Variants in SLC12A6 observed in about 807,000 individuals in gnomAD.
The protein encoded by SLC12A6 is solute carrier family 12 member 6.
A neutral mutation model predicts 135.3 loss-of-function variants in SLC12A6; 66 were observed. The observed-to-expected ratio is 0.49, with a 90% CI of 0.40 to 0.60. The LOEUF (loss-of-function observed/expected upper bound fraction) is 0.60, where lower values mean the gene tolerates loss of function less well. Among genes scored for constraint, SLC12A6 ranks in the 20% least tolerant of loss-of-function variants. The probability of loss-of-function intolerance (pLI) is 0.00; values close to 1 mark genes in which losing one functional copy is unlikely to be tolerated. For missense variants in SLC12A6, 1,058 were observed against 1,452.3 expected, an observed-to-expected ratio of 0.73 and a Z score of 4.41; for synonymous variants, 513 against 508.8, an observed-to-expected ratio of 1.01 and a Z score of -0.11.
chr15:34,304,592 A>G (rs1350380085), intron 2 of SLC12A6, among the ~76,000 whole-genome samples: 5 of 152,180 alleles, frequency 3.3e-5, no homozygotes, highest in Non-Finnish European at 1.5e-5. Flanking sequence ...GAGTGTGAAA[A>G]AACTGTACCT....
Position 34,233,686 on chromosome 15 carries a change from T to G in SLC12A6, c.*195A>C. The G allele has an allele frequency of 3.4e-6, 2 of 594,056 alleles. No homozygotes were observed. Among genetic ancestry groups the G allele is most frequent in the South Asian group, 3.8e-5 (2 of 52,130 alleles). 36.8% of individuals were successfully genotyped at this position (594,056 alleles called of 1,614,324 possible). On this transcript the variant is annotated 3_prime_UTR_variant, in exon 26 of 26. Coordinates refer to ENST00000354181, the MANE Select transcript of SLC12A6 (RefSeq NM_001365088.1). Reference sequence around the variant, plus strand: ...GTTCTGATGTTGAGGGAATATTTGCTTTTTCTGTAATGACTGCAGATCAGA... The same window carrying G: ...GTTCTGATGTTGAGGGAATATTTGCGTTTTCTGTAATGACTGCAGATCAGA...
rs149810398 is a variant in SLC12A6 at position 34,280,709 on chromosome 15, T to C, written c.272-5320A>G. Reference sequence around the variant, plus strand: ...GCAAAGGAAATTAGTAAAATTAGTATATCAAAGAGACACCTGCACTGCATG... The same window carrying C: ...GCAAAGGAAATTAGTAAAATTAGTACATCAAAGAGACACCTGCACTGCATG... On this transcript the variant is annotated intron_variant, in intron 2 of 25. Coordinates refer to ENST00000354181, the MANE Select transcript of SLC12A6 (RefSeq NM_001365088.1). Among the ~76,000 whole-genome samples, 387 of 152,274 alleles carry C rather than the reference T, an allele frequency of 2.5e-3. 2 individuals are homozygous for C. Among genetic ancestry groups the C allele is most frequent in the African/African-American group, 8.6e-3 (356 of 41,560 alleles).
At chr15:34,260,838 A>C in intron 4 of SLC12A6, 88 bp downstream of exon 4, 1 of 731,610 alleles carries the variant, frequency 1.4e-6, no homozygotes, top group South Asian at 1.5e-5. Flanking sequence ...CCAGCTTGTA[A>C]AATTTTTAAA....
intron 15 of SLC12A6, among the ~76,000 whole-genome samples, chr15:34,244,404 T>C (rs1891849066): frequency 6.6e-6 from 1 of 152,244 alleles, no homozygotes; most frequent in South Asian, 2.1e-4. Flanking sequence ...CTACTACTAA[T>C]CACCTTAGTT....
chr15:34,302,100 T>C (rs1896294597), intron 2 of SLC12A6, among the ~76,000 whole-genome samples: 2 of 152,262 alleles, frequency 1.3e-5, no homozygotes, highest in Admixed American at 6.5e-5. Context: ...AAGATAGTTA[T>C]ACTTCTAATT....
At chr15:34,302,464 G>A (rs1040515946) in intron 2 of SLC12A6, among the ~76,000 whole-genome samples, 1 of 152,206 alleles carries the variant, frequency 6.6e-6, no homozygotes, top group Non-Finnish European at 1.5e-5. Context: ...GGGAGGCCGA[G>A]GCGGGTGGAT....
intron 2 of SLC12A6, among the ~76,000 whole-genome samples, chr15:34,286,995 A>C (rs1895129060): frequency 6.7e-6 from 1 of 150,078 alleles, no homozygotes; most frequent in Admixed American, 6.8e-5. Flanking sequence ...CAAAGCAAGT[A>C]CTTTTTTTTT....
rs772963728 is a variant in SLC12A6, at chr15:34,336,453, A to T, written c.228T>A (p.Asp76Glu). 9 of 1,613,836 alleles carry T rather than the reference A, an allele frequency of 5.6e-6. No individual in the cohort carries two copies. The highest frequency in any genetic ancestry group is 5.1e-6 in the Non-Finnish European group (6 of 1,179,880). The change falls in exon 2 of 26, where the codon GAT becomes GAA. Residue 76 changes from aspartate to glutamate, a missense_variant. Physicochemically the swap from Asp to Glu is conservative, Grantham distance 45 (BLOSUM62 2). This residue lies in a region of SLC12A6 where 176 missense variants were observed against 168.9 expected (regional missense o/e 1.04). Transcript: ENST00000354181. ...GGTGAGAAGTCCGGTCACTGGGTGG[A>T]TCCAGTGCAACAGTTGCCAGCGAAG... is the stretch of plus-strand genomic sequence containing the variant. ...ATTSLATVAL[D>E]PPSDRTSHPQ...
Position 34,239,099 on chromosome 15 carries a change from G to A in SLC12A6, c.2498C>T (p.Ala833Val). 2 of 1,614,056 alleles carry A rather than the reference G, an allele frequency of 1.2e-6. No homozygotes were observed. ...GTGGGAAATGCCCTCTCTCAGCTTG[G>A]CGGCCACCACCAGCTGGCAGAATCC... ...VKGFCQLVVA[A>V]KLREGISHLI... The change falls in exon 20 of 26, where the codon GCC (alanine) becomes GTC (valine). Residue 833 changes from alanine (A) to valine (V), a missense_variant. Physicochemically the swap from Ala to Val is moderately conservative, Grantham distance 64. This residue lies in a region of SLC12A6 where 245 missense variants were observed against 440.8 expected (regional missense o/e 0.56). Transcript: ENST00000354181.
intron 8 of SLC12A6, 46 bp from the exon 9 acceptor site, chr15:34,254,635 T>A (rs1595439573): frequency 6.9e-7 from 1 of 1,456,266 alleles, no homozygotes; most frequent in Non-Finnish European, 9.6e-7. Context: ...TTCAAAATAA[T>A]TAAGTAAAAA....
At chr15:34,335,629 C>T (rs1264135905) in intron 2 of SLC12A6, among the ~76,000 whole-genome samples, 1 of 152,128 alleles carries the variant, frequency 6.6e-6, no homozygotes, top group Non-Finnish European at 1.5e-5. Context: ...CTCTCTCTTC[C>T]ATCACCTCTT....
intron 2 of SLC12A6, among the ~76,000 whole-genome samples, chr15:34,293,697 C>T (rs749387852): frequency 6.6e-6 from 1 of 152,238 alleles, no homozygotes; most frequent in African/African-American, 2.4e-5. Flanking sequence ...CCTCCCAGGT[C>T]CAAGTAATCC....
At position 34,233,934 on chromosome 15, in the gene SLC12A6, G is replaced by A. The variant is rs606231229; in HGVS notation, c.3400C>T (p.Arg1134Ter). 1.9e-6 allele frequency: 3 copies of A among 1,606,440 alleles called. No individual in the cohort carries two copies. Among genetic ancestry groups the A allele is most frequent in the Admixed American group, 1.7e-5 (1 of 59,992 alleles). The change falls in exon 26 of 26, where the codon CGA becomes TGA. Residue 1134 changes from arginine (R) to a stop codon, truncating the protein, a stop_gained. Coordinates refer to ENST00000354181, the MANE Select transcript of SLC12A6 (RefSeq NM_001365088.1). LOFTEE classifies it high-confidence loss of function. ...CCACCACCCCGGACAAGTAGGACTCGCTCTAGTCCCTCGGTAAGCACCTCT... is the reference window on the plus strand; with the variant it reads ...CCACCACCCCGGACAAGTAGGACTCACTCTAGTCCCTCGGTAAGCACCTCT... ...FLEVLTEGLE[R>*]VLLVRGGGSE...
At chr15:34,281,560 C>T (rs1316878220) in intron 2 of SLC12A6, among the ~76,000 whole-genome samples, 3 of 152,112 alleles carry the variant, frequency 2.0e-5, no homozygotes, top group Non-Finnish European at 2.9e-5. Flanking sequence ...GAGGCCGAGG[C>T]GAGTGGATCA....
At chr15:34,254,170 C>T (rs201535729) in intron 9 of SLC12A6, among the ~76,000 whole-genome samples, 178 bp downstream of exon 9, 1 of 152,102 alleles carries the variant, frequency 6.6e-6, no homozygotes, top group African/African-American at 2.4e-5. Flanking sequence ...AGAGGATGAA[C>T]GGGACATAGT....
intron 4 of SLC12A6, 121 bp downstream of exon 4, chr15:34,260,805 A>C: frequency 1.5e-6 from 1 of 656,474 alleles, no homozygotes. Flanking sequence ...AAGTTACAAT[A>C]TTTTCTTTTA....
At chr15:34,234,665 C>T (rs532261515) in intron 25 of SLC12A6, among the ~76,000 whole-genome samples, 1 of 152,346 alleles carries the variant, frequency 6.6e-6, no homozygotes, top group South Asian at 2.1e-4. Flanking sequence ...AGCCACCACA[C>T]CTGGCCTAAA....
In SLC12A6 at chr15:34,235,266, C is replaced by T; in HGVS notation, c.3276G>A (p.Glu1092=). ...CTTCATGGGACTTGTTAACTATAACCTCGTTGAGTTTCACTGCTGTATGCA... is the reference window on the plus strand; with the variant it reads ...CTTCATGGGACTTGTTAACTATAACTTCGTTGAGTTTCACTGCTGTATGCA... ...RRMHTAVKLN[E]VIVNKSHEAK... is the part of the protein sequence containing the mutation. The change falls in exon 25 of 26, where the codon GAG becomes GAA. Residue 1092 remains glutamate (E), a synonymous_variant. Transcript: ENST00000354181. 2 of 1,612,576 alleles carry T rather than the reference C, an allele frequency of 1.2e-6. No individual in the cohort carries two copies. The highest frequency in any genetic ancestry group is 8.5e-7 in the Non-Finnish European group (1 of 1,178,622).
intron 7 of SLC12A6, among the ~76,000 whole-genome samples, chr15:34,255,958 A>G (rs1892727801): frequency 6.6e-6 from 1 of 152,006 alleles, no homozygotes; most frequent in South Asian, 2.1e-4. Flanking sequence ...ACAGAGTGAG[A>G]CTCTGTCTAT....
Sources: allele counts gnomAD v4.1 joint callset (sites outside exome capture counted in the v4.1 genomes callset), GRCh38; gene constraint gnomAD v4.1.1; regional missense constraint gnomAD v4.1.1; transcripts MANE v1.5; gene names NCBI Gene and HGNC (gene_info 2026-07-23, HGNC 2026-07-21).